Variants in OR10J1 observed in about 807,000 individuals in gnomAD.
OR10J1 encodes olfactory receptor family 10 subfamily J member 1, also known as olfactory receptor 10J1.
For synonymous variants in OR10J1, 202 were observed against 143.8 expected (o/e 1.40, Z -2.89); for missense variants, 474 against 376.6 (o/e 1.26, Z -2.14).
At chr1:159,410,617 C>G in the OR10J1 span, among the ~76,000 whole-genome samples, 1 of 151,630 alleles carries the variant, frequency 6.6e-6, no homozygotes, top group East Asian at 2.0e-4. Flanking sequence ...TGCTAGCAGT[C>G]TATCAATTTT....
the OR10J1 span, among the ~76,000 whole-genome samples, chr1:159,402,140 A>C: frequency 3.9e-5 from 6 of 152,064 alleles, no homozygotes; most frequent in African/African-American, 1.4e-4. Flanking sequence ...CTAGTACCAT[A>C]CTGAATGATA....
the OR10J1 span, chr1:159,405,553 A>T: frequency 2.9e-6 from 1 of 347,438 alleles, no homozygotes; most frequent in African/African-American, 2.1e-5. Flanking sequence ...GGTCACTGAG[A>T]TGAGTCTGTT....
the OR10J1 span, chr1:159,432,166 A>G: frequency 7.5e-6 from 3 of 400,472 alleles, no homozygotes; most frequent in South Asian, 3.8e-4. Flanking sequence ...GATGCTCAAC[A>G]TTCCCACTTC....
At chr1:159,420,062 T>G in the OR10J1 span, among the ~76,000 whole-genome samples, 15 of 152,142 alleles carry the variant, frequency 9.9e-5, no homozygotes, top group African/African-American at 3.6e-4. Flanking sequence ...TCTCTGTTGT[T>G]ATTATATAAT....
At chr1:159,417,285 C>G in the OR10J1 span, among the ~76,000 whole-genome samples, 1 of 152,092 alleles carries the variant, frequency 6.6e-6, no homozygotes, top group African/African-American at 2.4e-5. Context: ...TTCAATAAAT[C>G]TTATTTCCTC....
chr1:159,429,262 G>T, the OR10J1 span, among the ~76,000 whole-genome samples: 1 of 152,226 alleles, frequency 6.6e-6, no homozygotes, highest in South Asian at 2.1e-4. Context: ...TGTATTCCAT[G>T]TTCCTAGCAT....
the OR10J1 span, among the ~76,000 whole-genome samples, chr1:159,407,700 T>C: frequency 0.012 from 1,811 of 152,238 alleles, 13 homozygotes; most frequent in Non-Finnish European, 0.02. Flanking sequence ...ATGAAATCAG[T>C]GATAAAATTC....
the OR10J1 span, among the ~76,000 whole-genome samples, chr1:159,424,812 A>C: frequency 6.6e-6 from 1 of 152,158 alleles, no homozygotes; most frequent in Non-Finnish European, 1.5e-5. Flanking sequence ...GAACAGCATC[A>C]AGGAAAACAG....
chr1:159,411,637 C>A, the OR10J1 span, among the ~76,000 whole-genome samples: 1 of 152,080 alleles, frequency 6.6e-6, no homozygotes, highest in Non-Finnish European at 1.5e-5. Flanking sequence ...ACTGATGAGT[C>A]TTGACTCTTT....
the OR10J1 span, chr1:159,406,171 A>G: frequency 2.0e-6 from 1 of 502,032 alleles, no homozygotes; most frequent in Non-Finnish European, 4.1e-6. Context: ...ATAGACAGCA[A>G]TGCTCAGGAA....
chr1:159,414,343 T>A, the OR10J1 span, among the ~76,000 whole-genome samples: 1 of 152,106 alleles, frequency 6.6e-6, no homozygotes, highest in Admixed American at 6.6e-5. Flanking sequence ...AGAGGACATG[T>A]AAAATTTTTC....
the OR10J1 span, among the ~76,000 whole-genome samples, chr1:159,402,077 G>T: frequency 4.6e-5 from 7 of 151,968 alleles, no homozygotes; most frequent in Non-Finnish European, 8.8e-5. Flanking sequence ...AAAATCAGGG[G>T]ATAGAAGGAC....
chr1:159,420,143 C>G, the OR10J1 span, among the ~76,000 whole-genome samples: 2 of 151,812 alleles, frequency 1.3e-5, no homozygotes, highest in African/African-American at 4.8e-5. Flanking sequence ...TAGTTTTTTC[C>G]TGCTCACTTT....
chr1:159,414,216 A>G, the OR10J1 span, among the ~76,000 whole-genome samples: 1 of 152,068 alleles, frequency 6.6e-6, no homozygotes, highest in African/African-American at 2.4e-5. Flanking sequence ...GTTTGTACCC[A>G]TTGACCAACT....
At chr1:159,436,211 C>T (rs1335840880), upstream of OR10J1, among the ~76,000 whole-genome samples, 3 of 151,876 alleles carry the variant, frequency 2.0e-5, no homozygotes, top group Non-Finnish European at 4.4e-5. Flanking sequence ...GTTGAGATCT[C>T]GTAGCCACCA....
chr1:159,419,812 T>C, the OR10J1 span, among the ~76,000 whole-genome samples: 47 of 152,246 alleles, frequency 3.1e-4, no homozygotes, highest in African/African-American at 1.0e-3. Flanking sequence ...AGTTGTTGGA[T>C]GAAATGCTTT....
rs924556739 is a variant in OR10J1, at chr1:159,440,940, A to T, written c.*219A>T. On this transcript the variant is annotated 3_prime_UTR_variant, in exon 1 of 1. Transcript: ENST00000423932. ...GGATAAATAGACAAACAAGGATAAG[A>T]TATGCCTAAATAAAAGGCCAGAAAG... 8.5e-6 allele frequency: 4 copies of T among 472,342 alleles called. No individual in the cohort carries two copies. Among genetic ancestry groups the T allele is most frequent in the Non-Finnish European group, 1.1e-5 (3 of 273,296 alleles). The allele number at this position is 472,342 out of a possible 1,614,324, so 29.3% of individuals were successfully genotyped here.
At chr1:159,431,321 C>G in the OR10J1 span, among the ~76,000 whole-genome samples, 2 of 152,110 alleles carry the variant, frequency 1.3e-5, no homozygotes, top group African/African-American at 4.8e-5. Flanking sequence ...CTTGACTTAC[C>G]AAATGGAAGC....
the OR10J1 span, among the ~76,000 whole-genome samples, chr1:159,419,923 C>T: frequency 5.9e-5 from 9 of 152,010 alleles, no homozygotes; most frequent in South Asian, 8.3e-4. Flanking sequence ...GAAAGTAGGG[C>T]GTTGAAGTCT....
Sources: allele counts gnomAD v4.1 joint callset (sites outside exome capture counted in the v4.1 genomes callset), GRCh38; gene constraint gnomAD v4.1.1; transcripts MANE v1.5; gene names NCBI Gene and HGNC (gene_info 2026-07-23, HGNC 2026-07-21).